EVI5: variants seen among roughly 807,000 people sequenced by gnomAD.
EVI5 encodes ecotropic viral integration site 5.
Under a neutral mutation model 112.0 loss-of-function variants are expected in EVI5, and 73 were observed. The ratio of observed to expected loss-of-function variants is 0.65; its 90% CI spans 0.54 to 0.79. EVI5 has a LOEUF of 0.79. EVI5 is among the 30% of genes least tolerant of loss of function. The pLI is 0.00. For missense variants in EVI5, 900 were observed against 968.8 expected (o/e 0.93, Z 0.94); for synonymous variants, 305 against 319.9 (o/e 0.95, Z 0.50).
At chr1:92,642,998 A>G (rs1202648864) in intron 13 of EVI5, among the ~76,000 whole-genome samples, 2 of 152,254 alleles carry the variant, frequency 1.3e-5, no homozygotes, top group East Asian at 1.9e-4. Flanking sequence ...AGTCATAGGT[A>G]GGTCACAAAG....
intron 18 of EVI5, among the ~76,000 whole-genome samples, chr1:92,576,904 T>C (rs1326865361): frequency 6.6e-6 from 1 of 152,174 alleles, no homozygotes; most frequent in Non-Finnish European, 1.5e-5. Context: ...TGGAATAACA[T>C]GGGGAGCATT....
In EVI5 at chr1:92,623,401, T is replaced by C. The variant is rs185678358; in HGVS notation, c.1827+775A>G. Among the ~76,000 whole-genome samples, 19 of 152,260 alleles carry C rather than the reference T, an allele frequency of 1.2e-4. No homozygotes were observed. In the East Asian group the frequency reaches 3.3e-3, roughly 26 times the overall value. On this transcript the variant is annotated intron_variant, in intron 16 of 19. Coordinates refer to ENST00000684568, the MANE Select transcript of EVI5 (RefSeq NM_001350197.2). ...TTAAGTATGCCCCCTACTGACTGAA[T>C]AAATACTTTAAAAGCCAAAAAACAA...
chr1:92,582,538 T>G (rs1010880096), intron 18 of EVI5, among the ~76,000 whole-genome samples: 6 of 151,864 alleles, frequency 4.0e-5, no homozygotes, highest in East Asian at 1.9e-4. Flanking sequence ...AAAGCCTTAA[T>G]GTAGGAATGA....
intron 14 of EVI5, among the ~76,000 whole-genome samples, chr1:92,630,996 T>A (rs1656929846): frequency 6.6e-6 from 1 of 152,210 alleles, no homozygotes; most frequent in African/African-American, 2.4e-5. Context: ...TGGGATTATT[T>A]CTGAGGGCTG....
intron 10 of EVI5, 115 bp downstream of exon 10, chr1:92,677,043 A>C (rs1322943251): frequency 1.5e-6 from 1 of 683,432 alleles, no homozygotes; most frequent in African/African-American, 1.9e-5. Flanking sequence ...TTTTAACTAT[A>C]ATCTAGTAGG....
At chr1:92,769,490 C>G (rs577074148) in intron 1 of EVI5, among the ~76,000 whole-genome samples, 7 of 152,122 alleles carry the variant, frequency 4.6e-5, no homozygotes, top group Non-Finnish European at 8.8e-5. Context: ...CCCCTGCCAC[C>G]CTACCTGCCC....
intron 19 of EVI5, among the ~76,000 whole-genome samples, chr1:92,525,417 C>T (rs1434570309): frequency 5.9e-5 from 9 of 151,936 alleles, no homozygotes; most frequent in East Asian, 1.9e-4. Context: ...TACAGGCCTA[C>T]GTCACCATAC....
At chr1:92,688,071 G>A (rs1668862794) in intron 9 of EVI5, among the ~76,000 whole-genome samples, 1 of 152,144 alleles carries the variant, frequency 6.6e-6, no homozygotes, top group Non-Finnish European at 1.5e-5. Flanking sequence ...CTATTATAAA[G>A]ACACATGCAC....
At chr1:92,561,807 T>G (rs1668678184) in intron 19 of EVI5, among the ~76,000 whole-genome samples, 1 of 152,052 alleles carries the variant, frequency 6.6e-6, no homozygotes, top group Admixed American at 6.6e-5. Flanking sequence ...TGGCTAATTT[T>G]TGTATTTTTA....
At chr1:92,624,861 C>T (rs1655335135) in intron 15 of EVI5, among the ~76,000 whole-genome samples, 1 of 152,138 alleles carries the variant, frequency 6.6e-6, no homozygotes, top group African/African-American at 2.4e-5. Flanking sequence ...GGCAATTTTG[C>T]CCCGCCAGGG....
At chr1:92,586,606 CTGTGTGTGTGTGTG>C (rs61310991) in intron 18 of EVI5, among the ~76,000 whole-genome samples, 10 of 72,760 alleles carry the variant, frequency 1.4e-4, no homozygotes, top group South Asian at 4.7e-4. Flanking sequence ...TTTTTTTTGG[CTGTGTGTGTGTGTG>C]TGTGTGTGTG....
At chr1:92,569,729 C>T (rs1329735805) in intron 18 of EVI5, among the ~76,000 whole-genome samples, 2 of 151,766 alleles carry the variant, frequency 1.3e-5, no homozygotes, top group African/African-American at 4.8e-5. Context: ...TGGCAGGCGC[C>T]TGTAATCCCA....
intron 18 of EVI5, among the ~76,000 whole-genome samples, chr1:92,568,109 T>G (rs926798192): frequency 1.1e-4 from 17 of 151,888 alleles, no homozygotes; most frequent in African/African-American, 3.1e-4. Context: ...CGTGGTGGCT[T>G]ATGACTGTAT....
chr1:92,782,691 T>C (rs1372952894), intron 1 of EVI5, among the ~76,000 whole-genome samples: 1 of 152,144 alleles, frequency 6.6e-6, no homozygotes, highest in African/African-American at 2.4e-5. Context: ...TTTCTAATAC[T>C]AGAGTTTTAT....
intron 19 of EVI5, among the ~76,000 whole-genome samples, chr1:92,548,441 A>G (rs1666181884): frequency 6.6e-6 from 1 of 152,356 alleles, no homozygotes; most frequent in Admixed American, 6.5e-5. Context: ...CTGGCACAAG[A>G]CAGGGATGCC....
At chr1:92,590,692 G>A (rs1159711893) in intron 18 of EVI5, among the ~76,000 whole-genome samples, 1 of 152,186 alleles carries the variant, frequency 6.6e-6, no homozygotes, top group Non-Finnish European at 1.5e-5. Context: ...ACACTCTGCA[G>A]GATACTATCC....
intron 14 of EVI5, among the ~76,000 whole-genome samples, chr1:92,633,387 T>C (rs987460102): frequency 6.6e-6 from 1 of 152,254 alleles, no homozygotes; most frequent in Non-Finnish European, 1.5e-5. Flanking sequence ...TTAGGATAGT[T>C]AGCTCTTCTT....
intron 19 of EVI5, among the ~76,000 whole-genome samples, chr1:92,558,256 CTCTT>C (rs1667986409): frequency 2.0e-5 from 3 of 152,174 alleles, no homozygotes; most frequent in Admixed American, 2.0e-4. Flanking sequence ...GGACACCCTT[CTCTT>C]TATATATGAA....
intron 1 of EVI5, among the ~76,000 whole-genome samples, chr1:92,769,131 C>T (rs956852796): frequency 6.6e-6 from 1 of 152,168 alleles, no homozygotes; most frequent in Non-Finnish European, 1.5e-5. Flanking sequence ...CTTATCTTAA[C>T]TTGATCTCTC....
Sources: gnomAD v4.1 joint callset for allele counts (sites outside exome capture counted in the v4.1 genomes callset) on GRCh38, gnomAD v4.1.1 for gene constraint, MANE v1.5 for transcripts, NCBI Gene and HGNC (gene_info 2026-07-23, HGNC 2026-07-21) for gene names.